The following COL4A5 variants were observed in gnomAD, a reference collection of about 807,000 sequenced individuals.
The protein encoded by COL4A5 is collagen type IV alpha 5 chain.
Under a neutral mutation model 130.2 loss-of-function variants are expected in COL4A5, and 26 were observed. The observed-to-expected ratio is 0.20, with a 90% CI of 0.15 to 0.28. The LOEUF (loss-of-function observed/expected upper bound fraction) is 0.28, where lower values mean the gene tolerates loss of function less well. Among genes scored for constraint, COL4A5 ranks in the 10% least tolerant of loss-of-function variants. The probability of loss-of-function intolerance (pLI) is 1.00; values close to 1 mark genes in which losing one functional copy is unlikely to be tolerated. For synonymous variants in COL4A5, 496 were observed against 439.6 expected (o/e 1.13, Z -1.60); for missense variants, 1,131 against 1,344.3 (o/e 0.84, Z 2.48).
chrX:108,486,152 TTCTC>T (rs1569476650), intron 1 of COL4A5, among the ~76,000 whole-genome samples: 2 of 111,476 alleles, frequency 1.8e-5, no homozygotes, highest in Non-Finnish European at 3.8e-5. Context: ...AGCACATGTA[TTCTC>T]TCTCAGTCCA....
chrX:108,537,390 A>G (rs187767737), intron 1 of COL4A5, among the ~76,000 whole-genome samples: 1 of 112,182 alleles, frequency 8.9e-6, no homozygotes, highest in Non-Finnish European at 1.9e-5. Flanking sequence ...CTCTCTCTAA[A>G]GTAAAGCTAC....
chrX:108,617,128 A>T (rs1244328279), intron 30 of COL4A5, among the ~76,000 whole-genome samples: 1 of 111,093 alleles, frequency 9.0e-6, no homozygotes, highest in Non-Finnish European at 1.9e-5. Flanking sequence ...ACCACATTTC[A>T]TATTTATACA....
chrX:108,526,579 C>CCTTCCTTT (rs2065314043), intron 1 of COL4A5, among the ~76,000 whole-genome samples: 1 of 55,242 alleles, frequency 1.8e-5, no homozygotes, highest in African/African-American at 9.2e-5. Flanking sequence ...TTTCCTCCCT[C>CCTTCCTTT]CCTCCCTCCC....
chrX:108,526,077 C>T (rs968295391), intron 1 of COL4A5, among the ~76,000 whole-genome samples: 5 of 111,247 alleles, frequency 4.5e-5, no homozygotes, highest in South Asian at 3.8e-4. Context: ...AGGACACACA[C>T]GGTAGGGGAA....
In COL4A5 at chrX:108,577,831, C is replaced by G. The variant is rs190781352; in HGVS notation, c.610-121C>G. ...TGTGTGTCTCTGACTAAAATGAAAA[C>G]AAACAAGAAAATACTATTTTGATGG... is the stretch of plus-strand genomic sequence containing the variant. On this transcript the variant is annotated intron_variant, in intron 10 of 52. Coordinates refer to ENST00000328300, the MANE Select transcript of COL4A5 (RefSeq NM_033380.3). The G allele has an allele frequency of 4.0e-4, 241 of 595,844 alleles. 2 individuals carry two copies. In the East Asian group the frequency reaches 8.7e-3, roughly 21 times the overall value. 49.1% of individuals were successfully genotyped at this position (595,844 alleles called of 1,213,427 possible).
rs2067714853 is a variant in COL4A5 at position 108,650,951 on chromosome X, A to G, written c.3247-4380A>G. Among the ~76,000 whole-genome samples the G allele has an allele frequency of 2.7e-5, 3 of 111,413 alleles. No individual in the cohort carries two copies. In the South Asian group the frequency reaches 1.1e-3, roughly 42 times the overall value. On this transcript the variant is annotated intron_variant, in intron 36 of 52. Coordinates refer to ENST00000328300, the MANE Select transcript of COL4A5 (RefSeq NM_033380.3). ...AAAAATTAAAAAAAACAAGCAAACA[A>G]AAACCAAAGTGTGCTATCCCATACA...
In COL4A5 at chrX:108,682,777, G is replaced by C. The variant is rs757119525; in HGVS notation, c.4216+889G>C. ...TCTTGTAAATTTGTTTAAGTTCCTT[G>C]TAGATTCTGGATATTAGCCCTTTGT... On this transcript the variant is annotated intron_variant, in intron 47 of 52. Coordinates refer to ENST00000328300, the MANE Select transcript of COL4A5 (RefSeq NM_033380.3). Among the ~76,000 whole-genome samples, 3 of 111,659 alleles carry C rather than the reference G, an allele frequency of 2.7e-5. No individual in the cohort carries two copies. In the South Asian group the frequency reaches 1.1e-3, roughly 42 times the overall value.
At position 108,582,869 on chromosome X, in the gene COL4A5, C is replaced by G. The variant is rs1222570001; in HGVS notation, c.937-15C>G. On this transcript the variant is annotated splice_polypyrimidine_tract_variant and intron_variant, in intron 16 of 52. Coordinates refer to ENST00000328300, the MANE Select transcript of COL4A5 (RefSeq NM_033380.3). ...TCATTTGTGCTGATGTCACCCTATCCTCTATGTTTTAAAGGGTTTGCCTGG... is the reference window on the plus strand; with the variant it reads ...TCATTTGTGCTGATGTCACCCTATCGTCTATGTTTTAAAGGGTTTGCCTGG... The G allele has an allele frequency of 8.4e-7, 1 of 1,186,540 alleles. No homozygotes were observed. The highest frequency in any genetic ancestry group is 1.1e-6 in the Non-Finnish European group (1 of 873,130).
At chrX:108,455,411 A>G (rs928422478) in intron 1 of COL4A5, among the ~76,000 whole-genome samples, 5 of 112,260 alleles carry the variant, frequency 4.5e-5, no homozygotes, top group Admixed American at 9.4e-5. Flanking sequence ...AAATTGAGCT[A>G]TAATTTCCAT....
At chrX:108,694,045 A>ATG (rs57352606) in intron 50 of COL4A5, 1,427 of 61,188 alleles carry the variant, frequency 0.023, 15 homozygotes, top group African/African-American at 0.071. Flanking sequence ...ATTTGGGTGT[A>ATG]TGTGTGTGTG....
intron 1 of COL4A5, among the ~76,000 whole-genome samples, chrX:108,483,545 A>G (rs1343710634): frequency 3.6e-5 from 4 of 111,720 alleles, no homozygotes; most frequent in Non-Finnish European, 7.5e-5. Context: ...CTCTTTTGGC[A>G]ATACCCTCAC....
chrX:108,529,485 TAAAC>T (rs1303679954), intron 1 of COL4A5, among the ~76,000 whole-genome samples: 1 of 110,418 alleles, frequency 9.1e-6, no homozygotes, highest in African/African-American at 3.3e-5. Context: ...GAAAAAGAAA[TAAAC>T]AAAGAATATA....
At chrX:108,539,509 TTTAAAA>T (rs1336946308) in intron 1 of COL4A5, among the ~76,000 whole-genome samples, 4 of 112,140 alleles carry the variant, frequency 3.6e-5, no homozygotes, top group Admixed American at 9.5e-5. Flanking sequence ...TATTTTTCAC[TTTAAAA>T]TTATAAAAAT....
intron 1 of COL4A5, among the ~76,000 whole-genome samples, chrX:108,511,589 G>A (rs1008719292): frequency 8.9e-6 from 1 of 111,812 alleles, no homozygotes; most frequent in African/African-American, 3.2e-5. Flanking sequence ...AATCAAGACT[G>A]TTTGGTGCTG....
intron 36 of COL4A5, among the ~76,000 whole-genome samples, chrX:108,639,394 G>A (rs1280667232): frequency 2.7e-5 from 3 of 111,140 alleles, no homozygotes; most frequent in African/African-American, 9.8e-5. Context: ...AAAGAATGAA[G>A]ACCTAAATGT....
intron 1 of COL4A5, among the ~76,000 whole-genome samples, chrX:108,497,982 A>AT (rs1297692930): frequency 8.1e-5 from 9 of 111,358 alleles, no homozygotes; most frequent in East Asian, 2.8e-4. Context: ...TTTCTTAATG[A>AT]TTTTTTGATG....
chrX:108,476,680 C>T (rs1366085083), intron 1 of COL4A5, among the ~76,000 whole-genome samples: 1 of 110,603 alleles, frequency 9.0e-6, no homozygotes, highest in Non-Finnish European at 1.9e-5. Flanking sequence ...TGAGAACATG[C>T]AGTTTGTCTT....
intron 1 of COL4A5, among the ~76,000 whole-genome samples, chrX:108,493,514 G>C (rs986791676): frequency 1.8e-5 from 2 of 111,636 alleles, no homozygotes; most frequent in African/African-American, 6.5e-5. Flanking sequence ...TGAGTAAGAT[G>C]CTTCTTTTTT....
In COL4A5 at chrX:108,696,483, A is replaced by G. The variant is rs951987726; in HGVS notation, c.*105A>G. On this transcript the variant is annotated 3_prime_UTR_variant, in exon 53 of 53. Coordinates refer to ENST00000328300, the MANE Select transcript of COL4A5 (RefSeq NM_033380.3). The stretch of plus-strand genomic sequence containing the variant: ...CCCAACTTTACTACTGCTGCCGTCA[A>G]TGGTGCTACTATATATGATCAAGAT... The G allele has an allele frequency of 1.2e-5, 7 of 576,239 alleles. No individual in the cohort carries two copies. The highest frequency in any genetic ancestry group is 2.7e-5 in the South Asian group (1 of 36,971). The allele number at this position is 576,239 out of a possible 1,213,427, so 47.5% of individuals were successfully genotyped here. A position where few individuals can be genotyped will look rare whatever the true frequency, so the allele number is the denominator to read the frequency against.
Sources: gnomAD v4.1 joint callset for allele counts (sites outside exome capture counted in the v4.1 genomes callset) on GRCh38, gnomAD v4.1.1 for gene constraint, MANE v1.5 for transcripts, NCBI Gene and HGNC (gene_info 2026-07-23, HGNC 2026-07-21) for gene names.